The following GANC variants were observed in gnomAD, a reference collection of about 807,000 sequenced individuals.
GANC encodes the protein glucosidase alpha, neutral C.
GANC carries 117 observed loss-of-function variants against 124.2 expected under a neutral mutation model. That is an observed-to-expected ratio of 0.94 (90% CI 0.81 to 1.10). GANC has a LOEUF of 1.10. Ranked by LOEUF, GANC falls within the 50% of genes least tolerant of loss-of-function variation. The probability of loss-of-function intolerance (pLI) is 0.00; values close to 1 mark genes in which losing one functional copy is unlikely to be tolerated. For synonymous variants in GANC, 377 were observed against 376.8 expected (o/e 1.00, Z -0.01); for missense variants, 1,140 against 1,095.0 (o/e 1.04, Z -0.58).
intron 3 of GANC, among the ~76,000 whole-genome samples, chr15:42,285,424 A>G (rs1311859033): frequency 6.6e-6 from 1 of 152,244 alleles, no homozygotes; most frequent in Non-Finnish European, 1.5e-5. Context: ...AAGAAAAAAC[A>G]CATGAGCCCA....
chr15:42,303,203 A>G (rs566208576), intron 6 of GANC, among the ~76,000 whole-genome samples: 1 of 152,368 alleles, frequency 6.6e-6, no homozygotes, highest in East Asian at 1.9e-4. Context: ...CCAATATTCA[A>G]CATTCTTAAA....
At chr15:42,305,644 ATATG>A (rs2051988127) in intron 6 of GANC, among the ~76,000 whole-genome samples, 1 of 152,224 alleles carries the variant, frequency 6.6e-6, no homozygotes, top group South Asian at 2.1e-4. Flanking sequence ...ACATTCACAC[ATATG>A]TTTATTGCAG....
At chr15:42,316,665 C>A (rs1325285648) in intron 10 of GANC, among the ~76,000 whole-genome samples, 1 of 152,182 alleles carries the variant, frequency 6.6e-6, no homozygotes, top group Admixed American at 6.5e-5. Context: ...GGGTTTAAGC[C>A]TCCAGATGAC....
Position 42,329,454 on chromosome 15 carries a change from G to C in GANC, c.1644+5G>C, listed in dbSNP as rs771585493. On this transcript the variant is annotated splice_donor_5th_base_variant and intron_variant, in intron 14 of 23. Transcript: ENST00000318010. ...AACATCTACGGTTTTTATCATGTAA[G>C]ACATCCAAAAAGAATTAAACTGGGC... is the stretch of plus-strand genomic sequence containing the variant. 2 of 1,603,452 alleles carry C rather than the reference G, an allele frequency of 1.2e-6. No homozygotes were observed. Among genetic ancestry groups the C allele is most frequent in the East Asian group, 4.5e-5 (2 of 44,810 alleles).
At chr15:42,331,876 T>C (rs1462752618) in intron 15 of GANC, among the ~76,000 whole-genome samples, 1 of 152,026 alleles carries the variant, frequency 6.6e-6, no homozygotes, top group South Asian at 2.1e-4. Context: ...GTTTTTGATA[T>C]GATAAATAAA....
At chr15:42,310,529 T>G (rs1369826732) in intron 9 of GANC, 66 bp downstream of exon 9, 1 of 1,495,076 alleles carries the variant, frequency 6.7e-7, no homozygotes, top group Non-Finnish European at 9.0e-7. Flanking sequence ...AGTGGAGTTA[T>G]AGCTCTTATC....
intron 4 of GANC, among the ~76,000 whole-genome samples, chr15:42,292,371 C>CTG (rs754422691): frequency 2.1e-4 from 10 of 47,838 alleles, no homozygotes; most frequent in South Asian, 9.3e-4. Flanking sequence ...CTAACATTTA[C>CTG]TGTGTGTTTT....
intron 9 of GANC, 75 bp downstream of exon 9, chr15:42,310,538 T>C (rs2052040729): frequency 6.8e-7 from 1 of 1,478,318 alleles, no homozygotes; most frequent in Non-Finnish European, 9.1e-7. Context: ...ATAGCTCTTA[T>C]CTTTGTATTG....
At chr15:42,340,988 A>G (rs948363428) in intron 18 of GANC, among the ~76,000 whole-genome samples, 5 of 148,968 alleles carry the variant, frequency 3.4e-5, no homozygotes, top group Non-Finnish European at 7.4e-5. Context: ...CTGGTCTTGA[A>G]CTCCTGACCT....
intron 22 of GANC, among the ~76,000 whole-genome samples, chr15:42,350,326 A>AGCGAG (rs1566963145): frequency 2.0e-5 from 3 of 151,884 alleles, no homozygotes; most frequent in African/African-American, 7.3e-5. Flanking sequence ...CACTCCGCCC[A>AGCGAG]TCTCCCCGAC....
intron 15 of GANC, among the ~76,000 whole-genome samples, chr15:42,337,773 A>C (rs766168869): frequency 6.6e-6 from 1 of 152,252 alleles, no homozygotes; most frequent in African/African-American, 2.4e-5. Flanking sequence ...AAGAAGATAC[A>C]TGAAGAGGCT....
chr15:42,303,710 C>T (rs924814026), intron 6 of GANC, among the ~76,000 whole-genome samples: 2 of 147,086 alleles, frequency 1.4e-5, no homozygotes, highest in African/African-American at 2.5e-5. Flanking sequence ...AAATCTTAGT[C>T]TCTGATAAAA....
At chr15:42,330,429 C>A in intron 14 of GANC, 147 bp from the exon 15 acceptor site, 1 of 580,718 alleles carries the variant, frequency 1.7e-6, no homozygotes, top group Non-Finnish European at 3.0e-6. Flanking sequence ...TTTCATTATA[C>A]CATGAAAATT....
Position 42,274,293 on chromosome 15 carries a change from C to T in GANC, c.-189C>T, listed in dbSNP as rs748486774. Reference sequence around the variant, plus strand: ...ATCATTGTAGAAACGCTAGTTTGGGCCTGAAAAATTCCAGGAGCAAGAGTC... The same window carrying T: ...ATCATTGTAGAAACGCTAGTTTGGGTCTGAAAAATTCCAGGAGCAAGAGTC... On this transcript the variant is annotated 5_prime_UTR_variant, in exon 1 of 24. Transcript: ENST00000318010. The T allele has an allele frequency of 7.8e-6, 5 of 638,124 alleles. No individual in the cohort carries two copies. The East Asian group carries it at 1.5e-4, about 19-fold the overall frequency. 39.5% of individuals were successfully genotyped at this position (638,124 alleles called of 1,614,324 possible). A position where few individuals can be genotyped will look rare whatever the true frequency, so the allele number is the denominator to read the frequency against.
intron 15 of GANC, among the ~76,000 whole-genome samples, chr15:42,336,143 A>T (rs567240442): frequency 6.8e-6 from 1 of 148,138 alleles, no homozygotes; most frequent in Admixed American, 7.0e-5. Flanking sequence ...GAACCAAAAA[A>T]AAAAAAGAAA....
chr15:42,300,461 G>A (rs1595769122), intron 6 of GANC, among the ~76,000 whole-genome samples: 1 of 152,126 alleles, frequency 6.6e-6, no homozygotes, highest in Non-Finnish European at 1.5e-5. Flanking sequence ...AATAGATGCT[G>A]GCGAGGCTTT....
chr15:42,306,849 C>T (rs2052001608), intron 7 of GANC, among the ~76,000 whole-genome samples: 1 of 152,168 alleles, frequency 6.6e-6, no homozygotes, highest in South Asian at 2.1e-4. Context: ...TGGTCTCATA[C>T]AGGGTCATGG....
At chr15:42,319,138 A>C (rs1201541443) in intron 10 of GANC, among the ~76,000 whole-genome samples, 1 of 151,942 alleles carries the variant, frequency 6.6e-6, no homozygotes, top group Non-Finnish European at 1.5e-5. Context: ...TCTGCTTTCA[A>C]GGAGCTCTTT....
chr15:42,322,809 GAGT>G (rs910273268), intron 11 of GANC, among the ~76,000 whole-genome samples: 1 of 152,080 alleles, frequency 6.6e-6, no homozygotes, highest in Non-Finnish European at 1.5e-5. Flanking sequence ...CCAGTTCCAG[GAGT>G]GGTGGTGGTG....
Sources: gnomAD v4.1 joint callset for allele counts (sites outside exome capture counted in the v4.1 genomes callset) on GRCh38, gnomAD v4.1.1 for gene constraint, MANE v1.5 for transcripts, NCBI Gene and HGNC (gene_info 2026-07-23, HGNC 2026-07-21) for gene names.